The following LMO7 variants were observed in gnomAD, a reference collection of about 807,000 sequenced individuals.
LMO7 encodes the protein LIM domain only protein 7.
LMO7 carries 120 observed loss-of-function variants against 206.5 expected under a neutral mutation model. That is an observed-to-expected ratio of 0.58 (90% CI 0.50 to 0.68). The LOEUF (loss-of-function observed/expected upper bound fraction) is 0.68. Ranked by LOEUF, LMO7 falls within the 30% of genes least tolerant of loss-of-function variation. The pLI is 0.00. For missense variants in LMO7, 1,959 were observed against 1,957.9 expected (o/e 1.00, Z -0.01); for synonymous variants, 706 against 681.5 (o/e 1.04, Z -0.56).
intron 2 of LMO7, among the ~76,000 whole-genome samples, chr13:75,722,168 A>C (rs1395117071): frequency 1.3e-5 from 2 of 152,184 alleles, no homozygotes; most frequent in African/African-American, 4.8e-5. Flanking sequence ...ATGACCAAGA[A>C]CCCAAAAGCA....
chr13:75,728,616 G>T (rs2044734651), intron 3 of LMO7, among the ~76,000 whole-genome samples: 1 of 140,982 alleles, frequency 7.1e-6, no homozygotes, highest in Non-Finnish European at 1.5e-5. Flanking sequence ...CTGTGCAGAA[G>T]CTCTTTAGTT....
intron 1 of LMO7, among the ~76,000 whole-genome samples, chr13:75,692,683 T>C (rs1028114930): frequency 7.2e-5 from 11 of 152,234 alleles, no homozygotes; most frequent in African/African-American, 2.7e-4. Flanking sequence ...CTACTACTCA[T>C]ATTCCTTTGG....
chr13:75,779,879 T>C (rs2140280471), intron 4 of LMO7, among the ~76,000 whole-genome samples: 2 of 152,224 alleles, frequency 1.3e-5, no homozygotes, highest in Non-Finnish European at 2.9e-5. Flanking sequence ...TGTCAGCCAG[T>C]CTAAGAAATA....
chr13:75,857,823 G>T, intron 30 of LMO7, 98 bp from the exon 31 acceptor site: 2 of 716,008 alleles, frequency 2.8e-6, no homozygotes, highest in African/African-American at 1.8e-5. Flanking sequence ...CTACCTCATT[G>T]GGCCACTTTC....
At chr13:75,739,732 A>C (rs1452740734) in intron 3 of LMO7, among the ~76,000 whole-genome samples, 1 of 152,176 alleles carries the variant, frequency 6.6e-6, no homozygotes, top group African/African-American at 2.4e-5. Flanking sequence ...TTCCAGCAGC[A>C]ATAGAAAATT....
At chr13:75,623,427 C>T (rs915575083) in intron 2 of LMO7, 2 of 629,802 alleles carry the variant, frequency 3.2e-6, no homozygotes, top group East Asian at 6.2e-5. Flanking sequence ...GCAGTGGTGC[C>T]ATCTAGGGTC....
In LMO7 at chr13:75,729,662, A is replaced by G. The variant is rs1484242287; in HGVS notation, c.210+2564A>G. Reference sequence around the variant, plus strand: ...TGCCCTGGCCAGAACTTCCAACACTATGTTGAATAGGAGTGGTGAGAGAGG... The same window carrying G: ...TGCCCTGGCCAGAACTTCCAACACTGTGTTGAATAGGAGTGGTGAGAGAGG... On this transcript the variant is annotated intron_variant, in intron 3 of 30. Coordinates refer to ENST00000377534, the MANE Select transcript of LMO7 (RefSeq NM_001306080.2). Among the ~76,000 whole-genome samples the G allele has an allele frequency of 4.7e-4, 71 of 151,080 alleles. 1 individual carries two copies. The highest frequency in any genetic ancestry group is 8.7e-4 in the Non-Finnish European group (59 of 67,672).
intron 1 of LMO7, among the ~76,000 whole-genome samples, chr13:75,676,570 G>C (rs773991687): frequency 2.0e-5 from 3 of 152,106 alleles, no homozygotes; most frequent in African/African-American, 4.8e-5. Context: ...CTCTCTCTTT[G>C]TATCAATCCA....
In LMO7 at chr13:75,821,274, G is replaced by C; in HGVS notation, c.2305G>C (p.Val769Leu). Reference sequence around the variant, plus strand: ...AGGAAAGCGACCCCCTACAATGACTGTGTCAGAAGCAAGTTACCAGAGTGA... The same window carrying C: ...AGGAAAGCGACCCCCTACAATGACTCTGTCAGAAGCAAGTTACCAGAGTGA... ...EEGKRPPTMT[V>L]SEASYQSERV... The change falls in exon 14 of 31, where the codon GTG becomes CTG. Residue 769 changes from valine (V) to leucine (L), a missense_variant. Physicochemically the swap from Val to Leu is conservative, Grantham distance 32. Transcript: ENST00000377534. The C allele has an allele frequency of 6.2e-7, 1 of 1,614,020 alleles. No homozygotes were observed. Among genetic ancestry groups the C allele is most frequent in the Non-Finnish European group, 8.5e-7 (1 of 1,179,884 alleles).
intron 4 of LMO7, among the ~76,000 whole-genome samples, chr13:75,767,397 A>C (rs1224942547): frequency 6.6e-6 from 1 of 152,080 alleles, no homozygotes; most frequent in Non-Finnish European, 1.5e-5. Context: ...CAAAGAATAG[A>C]ACATTTTAAA....
intron 3 of LMO7, among the ~76,000 whole-genome samples, chr13:75,736,700 G>A (rs565264050): frequency 3.3e-5 from 5 of 152,308 alleles, no homozygotes; most frequent in Non-Finnish European, 7.3e-5. Flanking sequence ...CATTACAGTG[G>A]ACTGTGACAT....
Position 75,663,284 on chromosome 13 carries a change from C to T in LMO7, c.69+26558C>T, listed in dbSNP as rs372345503. ...CCTGTGTGAGGATTTTTTTCTAATG[C>T]TCCTGTGATATTTTTTCTCTGCTTT... On this transcript the variant is annotated intron_variant, in intron 1 of 30. Coordinates refer to ENST00000377534, the MANE Select transcript of LMO7 (RefSeq NM_001306080.2). 1.3e-4 allele frequency among the ~76,000 whole-genome samples: 20 copies of T among 151,256 alleles called. No homozygotes were observed. The South Asian group carries it at 4.2e-3, about 31-fold the overall frequency.
chr13:75,667,380 C>T (rs991464013), intron 1 of LMO7, among the ~76,000 whole-genome samples: 2 of 152,018 alleles, frequency 1.3e-5, no homozygotes, highest in Non-Finnish European at 2.9e-5. Flanking sequence ...TTCTGGGTCA[C>T]CAATTGTTAT....
intron 15 of LMO7, among the ~76,000 whole-genome samples, chr13:75,824,696 G>A (rs2138554002): frequency 6.6e-6 from 1 of 152,212 alleles, no homozygotes; most frequent in East Asian, 1.9e-4. Context: ...TAGCATGGAA[G>A]AGCTTTTGTG....
intron 4 of LMO7, among the ~76,000 whole-genome samples, chr13:75,781,867 C>G (rs1594943682): frequency 1.3e-5 from 2 of 152,326 alleles, no homozygotes; most frequent in South Asian, 4.1e-4. Flanking sequence ...TTGCATTTCT[C>G]TGATGGCCAG....
chr13:75,742,777 A>G (rs1008873626), intron 3 of LMO7, among the ~76,000 whole-genome samples: 1 of 152,258 alleles, frequency 6.6e-6, no homozygotes, highest in Non-Finnish European at 1.5e-5. Context: ...ATTGTGGAAG[A>G]CAACCTAGGC....
intron 2 of LMO7, among the ~76,000 whole-genome samples, chr13:75,630,134 A>G (rs962657434): frequency 6.6e-6 from 1 of 152,198 alleles, no homozygotes; most frequent in South Asian, 2.1e-4. Flanking sequence ...TGTAAATACT[A>G]TGTAGTTATA....
At chr13:75,830,475 C>T (rs2058556114) in intron 15 of LMO7, among the ~76,000 whole-genome samples, 1 of 152,178 alleles carries the variant, frequency 6.6e-6, no homozygotes, top group Non-Finnish European at 1.5e-5. Flanking sequence ...GGCCCAGTGA[C>T]ATGCCTGTGG....
In LMO7 at chr13:75,834,297, T is replaced by C. The variant is rs777103912; in HGVS notation, c.3136T>C (p.Tyr1046His). 6.2e-7 allele frequency: 1 copy of C among 1,611,824 alleles called. No individual in the cohort carries two copies. Among genetic ancestry groups the C allele is most frequent in the East Asian group, 2.2e-5 (1 of 44,760 alleles). ...TGCTATTAACAACACCAAGTTTTCATATAACGATTCAAAAGAGTGGGAGGA... is the reference window on the plus strand; with the variant it reads ...TGCTATTAACAACACCAAGTTTTCACATAACGATTCAAAAGAGTGGGAGGA... ...IIAINNTKFSYNDSKEWEEAM... is the reference protein window; with the variant it reads ...IIAINNTKFSHNDSKEWEEAM... Residue 1046 changes from tyrosine (Y) to histidine (H), a missense_variant, in exon 17 of 31, where the codon TAT becomes CAT. Transcript: ENST00000377534.
Sources: gnomAD v4.1 joint callset for allele counts (sites outside exome capture counted in the v4.1 genomes callset) on GRCh38, gnomAD v4.1.1 for gene constraint, MANE v1.5 for transcripts, NCBI Gene and HGNC (gene_info 2026-07-23, HGNC 2026-07-21) for gene names.